The following MEIOSIN variants were observed in gnomAD, a reference collection of about 807,000 sequenced individuals.
MEIOSIN encodes the protein meiosis initiator protein.
A neutral mutation model predicts 23.4 loss-of-function variants in MEIOSIN; 18 were observed. The observed-to-expected ratio is 0.77, with a 90% CI of 0.53 to 1.14. The LOEUF is 1.14. MEIOSIN is among the 50% of genes most tolerant of loss of function. The pLI is 0.00. For missense variants in MEIOSIN, 428 were observed against 242.9 expected (o/e 1.76, Z -5.07); for synonymous variants, 187 against 100.6 (o/e 1.86, Z -5.14).
rs552939883 is a variant in MEIOSIN at position 45,755,986 on chromosome 19, C to T, written c.819C>T (p.Gly273=). ...GCCCCTTAGGCTGCTGGTGCCAGGG[C>T]AGTGTCCAGGATGACGCACCTTTCC... ...HCDISSCWCQ[G]SVQDDAPFPA... Residue 273 remains glycine (G), a synonymous_variant, in exon 8 of 15, where the codon GGC becomes GGT. Coordinates refer to ENST00000457052, the MANE Select transcript of MEIOSIN (RefSeq NM_001310124.2). 1 of 702,720 alleles carries T rather than the reference C, an allele frequency of 1.4e-6. No homozygotes were observed. Among genetic ancestry groups the T allele is most frequent in the African/African-American group, 1.7e-5 (1 of 57,360 alleles). The allele number at this position is 702,720 out of a possible 1,614,324, so 43.5% of individuals were successfully genotyped here.
Position 45,761,795 on chromosome 19 carries a change from C to CTCCAGCTCCAGG in MEIOSIN, c.1373_1374insGTCCAGCTCCAG (p.Ser457_Ser458insArgSerSerSer), listed in dbSNP as rs1968949119. 1.5e-6 allele frequency: 1 copy of CTCCAGCTCCAGG among 686,976 alleles called. No homozygotes were observed. Among genetic ancestry groups the CTCCAGCTCCAGG allele is most frequent in the African/African-American group, 1.8e-5 (1 of 56,422 alleles). 42.6% of individuals were successfully genotyped at this position (686,976 alleles called of 1,614,324 possible). A position where few individuals can be genotyped will look rare whatever the true frequency, so the allele number is the denominator to read the frequency against. On this transcript the variant is annotated inframe_insertion, in exon 12 of 15. Transcript: ENST00000457052. The stretch of plus-strand genomic sequence containing the variant: ...GCGGGAACAGCAAGGCGCCATCCAG[C>CTCCAGCTCCAGG]TCCAGCTCCAGCTCCAGCTCCAGCT...
chr19:45,740,801 GATA>G (rs1035298418), intron 3 of MEIOSIN, among the ~76,000 whole-genome samples: 1 of 147,682 alleles, frequency 6.8e-6, no homozygotes, highest in African/African-American at 2.5e-5. Context: ...TAATAACAAT[GATA>G]ATAAAGTAAC....
At chr19:45,755,303 C>T (rs915429358) in intron 7 of MEIOSIN, among the ~76,000 whole-genome samples, 1 of 151,832 alleles carries the variant, frequency 6.6e-6, no homozygotes, top group African/African-American at 2.4e-5. Context: ...GCGCGCACCA[C>T]CACGCCCAGC....
intron 11 of MEIOSIN, 27 bp from the exon 12 acceptor site, chr19:45,761,652 C>G (rs1395529173): frequency 4.3e-6 from 3 of 696,990 alleles, no homozygotes; most frequent in Admixed American, 4.1e-5. Flanking sequence ...GTCTCCCCTC[C>G]CATCTTTCTC....
chr19:45,740,132 GC>G (rs927958200), intron 3 of MEIOSIN, among the ~76,000 whole-genome samples: 1 of 152,186 alleles, frequency 6.6e-6, no homozygotes, highest in African/African-American at 2.4e-5. Flanking sequence ...ACAGGCGTGA[GC>G]CACTGCACCC....
intron 8 of MEIOSIN, 150 bp downstream of exon 8, chr19:45,756,228 G>A (rs1200927808): frequency 3.3e-6 from 2 of 600,530 alleles, no homozygotes; most frequent in African/African-American, 3.7e-5. Context: ...GCCATTGTGA[G>A]CTCGCAGGAA....
At chr19:45,749,277 CAGG>C (rs1487605416) in intron 4 of MEIOSIN, among the ~76,000 whole-genome samples, 2 of 141,916 alleles carry the variant, frequency 1.4e-5, no homozygotes, top group Admixed American at 1.5e-4. Flanking sequence ...GGGGCTGAGA[CAGG>C]AGGATTGCTC....
In MEIOSIN at chr19:45,739,697, T is replaced by C; in HGVS notation, c.143T>C (p.Met48Thr). 2 of 703,502 alleles carry C rather than the reference T, an allele frequency of 2.8e-6. No individual in the cohort carries two copies. The highest frequency in any genetic ancestry group is 5.2e-6 in the Non-Finnish European group (2 of 385,120). The allele number at this position is 703,502 out of a possible 1,614,324, so 43.6% of individuals were successfully genotyped here. The part of the protein sequence containing the change: ...VNPSEPHGLR[M>T]EEKWLLKGKL... ...CCCTCCGAACCACATGGACTGAGAA[T>C]GGAGGAGAAATGGTTGCTCAAAGGA... Residue 48 changes from methionine to threonine, a missense_variant, in exon 3 of 15, where the codon ATG becomes ACG. Physicochemically the swap from Met to Thr is moderately conservative, Grantham distance 81 (BLOSUM62 -1). Transcript: ENST00000457052.
chr19:45,761,584 C>CT, intron 11 of MEIOSIN, 95 bp from the exon 12 acceptor site: 1 of 618,740 alleles, frequency 1.6e-6, no homozygotes, highest in Non-Finnish European at 2.9e-6. Flanking sequence ...TGAGCTGCTG[C>CT]TAATGCTCAT....
Position 45,761,752 on chromosome 19 carries a change from A to C in MEIOSIN, c.1319A>C (p.His440Pro), listed in dbSNP as rs764154540. The change falls in exon 12 of 15, where the codon CAC becomes CCC. Residue 440 changes from histidine (H) to proline (P), a missense_variant. Transcript: ENST00000457052. ...SLHRSSVSLD[H>P]CYLSLSGNSK... is the part of the protein sequence containing the mutation. ...CACCGGTCCTCAGTCTCGCTGGACC[A>C]CTGCTACCTCTCGCTGAGCGGGAAC... 1 of 703,072 alleles carries C rather than the reference A, an allele frequency of 1.4e-6. No homozygotes were observed. Among genetic ancestry groups the C allele is most frequent in the South Asian group, 1.5e-5 (1 of 67,552 alleles). 43.6% of individuals were successfully genotyped at this position (703,072 alleles called of 1,614,324 possible).
intron 4 of MEIOSIN, among the ~76,000 whole-genome samples, chr19:45,749,202 C>A (rs1379404225): frequency 6.6e-6 from 1 of 151,696 alleles, no homozygotes; most frequent in African/African-American, 2.4e-5. Context: ...GAAACCTCAT[C>A]TCGATAAAAA....
At chr19:45,738,708 C>A (rs1968450495) in intron 2 of MEIOSIN, among the ~76,000 whole-genome samples, 1 of 152,210 alleles carries the variant, frequency 6.6e-6, no homozygotes, top group Admixed American at 6.6e-5. Flanking sequence ...ATTTGTATGG[C>A]TTTCACACCA....
intron 11 of MEIOSIN, 37 bp from the exon 12 acceptor site, chr19:45,761,642 G>C (rs776295529): frequency 4.3e-6 from 3 of 690,848 alleles, no homozygotes; most frequent in Non-Finnish European, 5.3e-6. Flanking sequence ...GGCACCACTT[G>C]TCTCCCCTCC....
At chr19:45,744,461 C>CT (rs1242137563) in intron 3 of MEIOSIN, among the ~76,000 whole-genome samples, 2 of 151,954 alleles carry the variant, frequency 1.3e-5, no homozygotes, top group South Asian at 2.1e-4. Flanking sequence ...CTCTCAGCAT[C>CT]TTTTTTTTGT....
intron 4 of MEIOSIN, among the ~76,000 whole-genome samples, chr19:45,750,342 T>G (rs1968675317): frequency 8.7e-6 from 1 of 114,510 alleles, no homozygotes. Context: ...CTGTCTTTCT[T>G]TCTTTCTTTT....
intron 3 of MEIOSIN, among the ~76,000 whole-genome samples, chr19:45,740,403 C>T (rs1968481180): frequency 6.6e-6 from 1 of 152,114 alleles, no homozygotes; most frequent in Admixed American, 6.6e-5. Flanking sequence ...GGGACTGTCC[C>T]CTGCTTTGTC....
chr19:45,758,839 T>G, intron 9 of MEIOSIN, 39 bp from the exon 10 acceptor site: 1 of 699,594 alleles, frequency 1.4e-6, no homozygotes, highest in Non-Finnish European at 2.6e-6. Flanking sequence ...CAGAGGGTGA[T>G]CTCTGGCCAC....
chr19:45,738,690 T>A (rs1968450294), intron 2 of MEIOSIN, among the ~76,000 whole-genome samples: 1 of 152,196 alleles, frequency 6.6e-6, no homozygotes, highest in Admixed American at 6.5e-5. Flanking sequence ...AAGTATGGCT[T>A]CTACTGAATT....
chr19:45,734,918 C>T (rs1184656958), intron 1 of MEIOSIN, among the ~76,000 whole-genome samples: 1 of 151,050 alleles, frequency 6.6e-6, no homozygotes, highest in Non-Finnish European at 1.5e-5. Flanking sequence ...TTTTGAGACA[C>T]AGTCTCACTC....
Sources: gnomAD v4.1 joint callset for allele counts (sites outside exome capture counted in the v4.1 genomes callset) on GRCh38, gnomAD v4.1.1 for gene constraint, MANE v1.5 for transcripts, NCBI Gene and HGNC (gene_info 2026-07-23, HGNC 2026-07-21) for gene names.